Variants in SCP2 observed in about 807,000 individuals in gnomAD.
The protein encoded by SCP2 is sterol carrier protein 2.
Under a neutral mutation model 71.4 loss-of-function variants are expected in SCP2, and 48 were observed. The observed-to-expected ratio is 0.67, with a 90% CI of 0.53 to 0.86. SCP2 has a LOEUF of 0.86. SCP2 is among the 40% of genes least tolerant of loss of function. The probability of loss-of-function intolerance (pLI) is 0.00; values close to 1 mark genes in which losing one functional copy is unlikely to be tolerated. For missense variants in SCP2, 560 were observed against 655.6 expected (o/e 0.85, Z 1.59); for synonymous variants, 220 against 218.1 (o/e 1.01, Z -0.08).
In SCP2 at chr1:53,040,716, G is replaced by A. The variant is rs139794537; in HGVS notation, c.1468+1670G>A. On this transcript the variant is annotated intron_variant, in intron 14 of 15. Transcript: ENST00000371514. ...AGCCTGGGCGACAGAGCGAGACTCC[G>A]TCTAAAAAAAAACAAAAATCTTACC... Among the ~76,000 whole-genome samples the A allele has an allele frequency of 6.3e-3, 952 of 151,932 alleles. 15 individuals carry two copies. Among genetic ancestry groups the A allele is most frequent in the African/African-American group, 0.022 (913 of 41,448 alleles).
Position 52,978,344 on chromosome 1 carries a change from G to A in SCP2, c.802G>A (p.Glu268Lys). The A allele has an allele frequency of 6.2e-7, 1 of 1,613,876 alleles. No homozygotes were observed. Among genetic ancestry groups the A allele is most frequent in the South Asian group, 1.1e-5 (1 of 91,074 alleles). ...EMMTDLPSSF[E>K]EKSIIKMVGF... Reference sequence around the variant, plus strand: ...GATGACTGATTTGCCAAGCTCGTTTGAAGAAAAAAGCATTATTAAAATGGT... The same window carrying A: ...GATGACTGATTTGCCAAGCTCGTTTAAAGAAAAAAGCATTATTAAAATGGT... Residue 268 changes from glutamate (E) to lysine (K), a missense_variant, in exon 9 of 16, where the codon GAA becomes AAA. By Grantham distance (56) the Glu-to-Lys change is moderately conservative. This residue lies in a region of SCP2 where 513 missense variants were observed against 573.1 expected (regional missense o/e 0.90). Coordinates refer to ENST00000371514, the MANE Select transcript of SCP2 (RefSeq NM_002979.5).
intron 11 of SCP2, among the ~76,000 whole-genome samples, chr1:52,992,033 A>G (rs1171395120): frequency 6.6e-6 from 1 of 152,174 alleles, no homozygotes; most frequent in East Asian, 1.9e-4. Context: ...ATAACAATCA[A>G]TATCTAGCAG....
intron 6 of SCP2, among the ~76,000 whole-genome samples, chr1:52,974,189 T>C (rs541472347): frequency 1.3e-4 from 20 of 152,270 alleles, no homozygotes; most frequent in African/African-American, 4.3e-4. Context: ...TTTTTAAAAG[T>C]AGTAAAAAAA....
chr1:53,020,022 G>A (rs1005257414), intron 12 of SCP2, among the ~76,000 whole-genome samples: 3 of 152,246 alleles, frequency 2.0e-5, no homozygotes, highest in Admixed American at 2.0e-4. Flanking sequence ...GAGTAGCTGG[G>A]ATTACAGGTG....
intron 11 of SCP2, 114 bp from the exon 12 acceptor site, chr1:53,014,776 A>G (rs914252077): frequency 8.5e-7 from 1 of 1,181,622 alleles, no homozygotes; most frequent in Non-Finnish European, 1.2e-6. Context: ...GTTACTATTT[A>G]CACAAACGTG....
chr1:52,956,680 T>G (rs1655821946), intron 5 of SCP2, among the ~76,000 whole-genome samples: 1 of 152,110 alleles, frequency 6.6e-6, no homozygotes, highest in African/African-American at 2.4e-5. Flanking sequence ...TTAAAAACTG[T>G]CTGGATTAGA....
intron 11 of SCP2, among the ~76,000 whole-genome samples, chr1:52,998,906 C>T (rs933641862): frequency 2.6e-5 from 4 of 152,096 alleles, no homozygotes; most frequent in South Asian, 2.1e-4. Context: ...CTAAAACACC[C>T]CAGGAAGATA....
intron 5 of SCP2, among the ~76,000 whole-genome samples, chr1:52,958,081 C>T (rs1249863443): frequency 6.6e-6 from 1 of 152,024 alleles, no homozygotes; most frequent in African/African-American, 2.4e-5. Context: ...TTATGTAGGT[C>T]TATGTGTGAA....
At chr1:53,046,221 T>C (rs1663803424) in intron 14 of SCP2, among the ~76,000 whole-genome samples, 1 of 152,222 alleles carries the variant, frequency 6.6e-6, no homozygotes, top group East Asian at 1.9e-4. Context: ...TTTAGCTTTA[T>C]GTGAAACTTC....
At chr1:52,963,245 C>T (rs1445911608) in intron 6 of SCP2, among the ~76,000 whole-genome samples, 3 of 152,066 alleles carry the variant, frequency 2.0e-5, no homozygotes, top group Admixed American at 1.3e-4. Context: ...TGTGATTTTA[C>T]TTGTTTAATT....
intron 11 of SCP2, among the ~76,000 whole-genome samples, chr1:52,997,647 A>G (rs1243911177): frequency 2.0e-5 from 3 of 152,210 alleles, no homozygotes; most frequent in African/African-American, 7.2e-5. Context: ...GGAGAGAGAT[A>G]ACTGAAGGGT....
chr1:52,991,069 A>T (rs978345390), intron 11 of SCP2, among the ~76,000 whole-genome samples: 2 of 152,210 alleles, frequency 1.3e-5, no homozygotes, highest in Non-Finnish European at 2.9e-5. Context: ...TATGTAAGGG[A>T]TGTACCTGAA....
At chr1:53,049,848 C>T (rs1664087572) in intron 15 of SCP2, 1 of 152,174 alleles carries the variant, frequency 6.6e-6, no homozygotes, top group African/African-American at 2.4e-5. Context: ...CTCCTAGCTT[C>T]TTAATGTACT....
At chr1:53,013,422 A>G (rs1411661890) in intron 11 of SCP2, among the ~76,000 whole-genome samples, 24 of 116,416 alleles carry the variant, frequency 2.1e-4, no homozygotes, top group Non-Finnish European at 3.6e-4. Flanking sequence ...CGTCTCTACT[A>G]AAAAAAAAAA....
At chr1:53,015,911 A>G (rs149826171) in intron 12 of SCP2, among the ~76,000 whole-genome samples, 1 of 151,720 alleles carries the variant, frequency 6.6e-6, no homozygotes, top group East Asian at 1.9e-4. Context: ...TTCCCTATTT[A>G]CTCTCTTTAA....
At chr1:53,008,465 C>T (rs1419511466) in intron 11 of SCP2, among the ~76,000 whole-genome samples, 1 of 152,192 alleles carries the variant, frequency 6.6e-6, no homozygotes, top group Non-Finnish European at 1.5e-5. Context: ...GGATTCAAGG[C>T]TGGTTCAACA....
intron 9 of SCP2, 98 bp downstream of exon 9, chr1:52,978,465 A>G: frequency 1.1e-6 from 1 of 940,472 alleles, no homozygotes; most frequent in Non-Finnish European, 1.7e-6. Context: ...CTTTTAATTA[A>G]CTAGACATGC....
chr1:52,942,812 G>C (rs1011996367), intron 2 of SCP2, among the ~76,000 whole-genome samples: 9 of 148,278 alleles, frequency 6.1e-5, no homozygotes, highest in Non-Finnish European at 1.0e-4. Flanking sequence ...TGATTCTCCT[G>C]CCTCAGCCTC....
At chr1:53,034,691 A>G (rs537109034) in intron 13 of SCP2, among the ~76,000 whole-genome samples, 1 of 152,342 alleles carries the variant, frequency 6.6e-6, no homozygotes, top group African/African-American at 2.4e-5. Context: ...ATACTTAGAA[A>G]CAGAGGTTAG....
Sources: allele counts gnomAD v4.1 joint callset (sites outside exome capture counted in the v4.1 genomes callset), GRCh38; gene constraint gnomAD v4.1.1; regional missense constraint gnomAD v4.1.1; transcripts MANE v1.5; gene names NCBI Gene and HGNC (gene_info 2026-07-23, HGNC 2026-07-21).